Variants in ADCK1 observed in about 807,000 individuals in gnomAD.
ADCK1 encodes the protein aarF domain-containing protein kinase 1.
A neutral mutation model predicts 52.3 loss-of-function variants in ADCK1; 41 were observed. That is an observed-to-expected ratio of 0.78 (90% confidence interval 0.61 to 1.02). ADCK1 has a LOEUF of 1.02. ADCK1 is among the 50% of genes least tolerant of loss of function. The probability of loss-of-function intolerance (pLI) is 0.00; values close to 1 mark genes in which losing one functional copy is unlikely to be tolerated. For synonymous variants in ADCK1, 250 were observed against 274.6 expected, an observed-to-expected ratio of 0.91 and a Z score of 0.89; for missense variants, 658 against 679.5, an observed-to-expected ratio of 0.97 and a Z score of 0.35.
chr14:77,801,498 C>T (rs2081109251), intron 1 of ADCK1, among the ~76,000 whole-genome samples: 1 of 152,168 alleles, frequency 6.6e-6, no homozygotes, highest in Admixed American at 6.5e-5. Context: ...TTCCTGGTTA[C>T]ATCATATTCT....
At chr14:77,894,078 T>A (rs1299267812) in intron 5 of ADCK1, among the ~76,000 whole-genome samples, 1 of 152,206 alleles carries the variant, frequency 6.6e-6, no homozygotes, top group Non-Finnish European at 1.5e-5. Context: ...AGTGGGTGGC[T>A]AGGCAATGTT....
At chr14:77,927,255 C>T (rs1255268101) in intron 9 of ADCK1, among the ~76,000 whole-genome samples, 2 of 152,240 alleles carry the variant, frequency 1.3e-5, no homozygotes, top group East Asian at 1.9e-4. Flanking sequence ...TGACATCCTT[C>T]TCCAGCAAGC....
chr14:77,855,023 C>T (rs888926263), intron 3 of ADCK1, among the ~76,000 whole-genome samples: 6 of 152,214 alleles, frequency 3.9e-5, no homozygotes, highest in Non-Finnish European at 5.9e-5. Flanking sequence ...CAGTCCTAAT[C>T]CTGTTTACCC....
At chr14:77,872,407 AC>A (rs1451740491) in intron 4 of ADCK1, among the ~76,000 whole-genome samples, 1 of 152,030 alleles carries the variant, frequency 6.6e-6, no homozygotes, top group Non-Finnish European at 1.5e-5. Context: ...CTTTCCTCTG[AC>A]CGCACATCTT....
At position 77,818,992 on chromosome 14, in the gene ADCK1, C is replaced by T; in HGVS notation, c.14C>T (p.Ala5Val). The T allele has an allele frequency of 6.2e-7, 1 of 1,614,138 alleles. No individual in the cohort carries two copies. Among genetic ancestry groups the T allele is most frequent in the Non-Finnish European group, 8.5e-7 (1 of 1,180,028 alleles). MARK[A>V]LKLASWTSMA... ...GGATCTGGCGACATGGCCAGAAAGG[C>T]TCTCAAGCTTGCTTCGTGGACCAGC... is the stretch of plus-strand genomic sequence containing the variant. Residue 5 changes from alanine (A) to valine (V), a missense_variant, in exon 2 of 11, where the codon GCT becomes GTT. Ala to Val is a moderately conservative substitution (Grantham distance 64). Transcript: ENST00000238561.
In ADCK1 at chr14:77,908,671, G is replaced by C. The variant is rs1270971822; in HGVS notation, c.858+752G>C. On this transcript the variant is annotated intron_variant, in intron 7 of 10. Transcript: ENST00000238561. ...CTCTCAAAGTGCTGGCATTACAGGT[G>C]TGAGCCACGTGGCCAGGCTCAACAT... Among the ~76,000 whole-genome samples, 86 of 152,184 alleles carry C rather than the reference G, an allele frequency of 5.7e-4. 1 individual carries two copies. Among genetic ancestry groups the C allele is most frequent in the Admixed American group, 5.5e-3 (84 of 15,286 alleles).
intron 6 of ADCK1, among the ~76,000 whole-genome samples, chr14:77,900,084 A>G (rs1273595564): frequency 6.7e-6 from 1 of 149,128 alleles, no homozygotes; most frequent in Non-Finnish European, 1.5e-5. Context: ...AAAAAAAAAA[A>G]AGAAAATTCA....
chr14:77,855,506 G>A (rs975941561), intron 3 of ADCK1, among the ~76,000 whole-genome samples: 18 of 152,178 alleles, frequency 1.2e-4, no homozygotes, highest in African/African-American at 4.1e-4. Context: ...TGGTCAGGGT[G>A]GGGTTCAGTC....
intron 4 of ADCK1, among the ~76,000 whole-genome samples, chr14:77,873,032 G>A (rs1414753537): frequency 1.3e-5 from 2 of 152,052 alleles, no homozygotes; most frequent in Non-Finnish European, 2.9e-5. Flanking sequence ...TAGAGTACAG[G>A]TGGTTTTTGG....
At chr14:77,860,841 T>G (rs1280131763) in intron 4 of ADCK1, among the ~76,000 whole-genome samples, 1 of 152,156 alleles carries the variant, frequency 6.6e-6, no homozygotes, top group Non-Finnish European at 1.5e-5. Flanking sequence ...CAGTGTGAAG[T>G]GCATCATTGC....
At chr14:77,903,885 C>A (rs2083601888) in intron 6 of ADCK1, among the ~76,000 whole-genome samples, 1 of 151,982 alleles carries the variant, frequency 6.6e-6, no homozygotes, top group Admixed American at 6.5e-5. Context: ...TTCTTTTTTG[C>A]AGAGTGATTT....
At chr14:77,899,613 C>T (rs775613101) in intron 6 of ADCK1, among the ~76,000 whole-genome samples, 5 of 152,186 alleles carry the variant, frequency 3.3e-5, no homozygotes, top group African/African-American at 4.8e-5. Context: ...CACTACTGTA[C>T]GCTGGGACTG....
At chr14:77,812,229 C>A (rs753045058) in intron 1 of ADCK1, among the ~76,000 whole-genome samples, 4 of 152,160 alleles carry the variant, frequency 2.6e-5, no homozygotes, top group Admixed American at 6.6e-5. Flanking sequence ...TTAGAGTCCC[C>A]AGAACTTATT....
At chr14:77,893,981 C>T (rs561826140) in intron 5 of ADCK1, among the ~76,000 whole-genome samples, 30 of 152,308 alleles carry the variant, frequency 2.0e-4, no homozygotes, top group African/African-American at 6.3e-4. Flanking sequence ...GATCTGTCTG[C>T]CTCGGCCTCC....
chr14:77,815,520 ATTTTTTTT>A (rs371572865), intron 1 of ADCK1, among the ~76,000 whole-genome samples: 1 of 131,118 alleles, frequency 7.6e-6, no homozygotes, highest in Non-Finnish European at 1.6e-5. Flanking sequence ...AGGCACCTGC[ATTTTTTTT>A]TTTTTTTTTG....
intron 5 of ADCK1, among the ~76,000 whole-genome samples, chr14:77,893,789 A>C (rs1426172893): frequency 1.4e-5 from 2 of 144,026 alleles, no homozygotes; most frequent in African/African-American, 5.2e-5. Flanking sequence ...GCTGGAGTGC[A>C]GTGGTGCGAC....
At chr14:77,861,200 G>C (rs919212512) in intron 4 of ADCK1, among the ~76,000 whole-genome samples, 1 of 152,174 alleles carries the variant, frequency 6.6e-6, no homozygotes, top group African/African-American at 2.4e-5. Flanking sequence ...TCCATGTCAT[G>C]GTTCTGAGGG....
chr14:77,918,319 G>C (rs2083974404), intron 7 of ADCK1, among the ~76,000 whole-genome samples: 1 of 152,184 alleles, frequency 6.6e-6, no homozygotes, highest in Non-Finnish European at 1.5e-5. Flanking sequence ...TTTTCACTTA[G>C]TACCCTGTCC....
chr14:77,830,766 G>A (rs900892123), intron 3 of ADCK1, among the ~76,000 whole-genome samples: 12 of 152,106 alleles, frequency 7.9e-5, no homozygotes, highest in Non-Finnish European at 1.6e-4. Flanking sequence ...GTTAAATGTC[G>A]GAGGTGACCT....
Sources: gnomAD v4.1 joint callset for allele counts (sites outside exome capture counted in the v4.1 genomes callset) on GRCh38, gnomAD v4.1.1 for gene constraint, MANE v1.5 for transcripts, NCBI Gene and HGNC (gene_info 2026-07-23, HGNC 2026-07-21) for gene names.